NIPBL: variants seen among roughly 807,000 people sequenced by gnomAD.
NIPBL encodes the protein NIPBL cohesin loading factor.
A neutral mutation model predicts 321.8 loss-of-function variants in NIPBL; 19 were observed. The ratio of observed to expected loss-of-function variants is 0.06; its 90% CI spans 0.04 to 0.09. The LOEUF (loss-of-function observed/expected upper bound fraction) is 0.09, where lower values mean the gene tolerates loss of function less well. NIPBL is among the 10% of genes least tolerant of loss of function. The pLI, the probability that NIPBL is intolerant of heterozygous loss-of-function variation, is 1.00. For missense variants in NIPBL, 2,210 were observed against 3,327.0 expected (o/e 0.66, Z 8.26); for synonymous variants, 1,106 against 1,114.1 (o/e 0.99, Z 0.14).
chr5:36,893,046 C>T (rs1746463233), intron 1 of NIPBL, among the ~76,000 whole-genome samples: 2 of 152,018 alleles, frequency 1.3e-5, no homozygotes, highest in South Asian at 4.1e-4. Flanking sequence ...TGACTATATT[C>T]TTGTGAGCTT....
chr5:37,012,479 T>C (rs1390946983), intron 21 of NIPBL, among the ~76,000 whole-genome samples: 1 of 148,476 alleles, frequency 6.7e-6, no homozygotes, highest in East Asian at 1.9e-4. Context: ...TTTTTTTTTT[T>C]TTATTCATTC....
At chr5:37,057,055 C>A in intron 42 of NIPBL, 131 bp from the exon 43 acceptor site, 1 of 834,780 alleles carries the variant, frequency 1.2e-6, no homozygotes, top group Non-Finnish European at 2.0e-6. Context: ...CCACTCTCTC[C>A]GTGTGTGTCT....
At chr5:37,009,770 CTT>C (rs1747885889) in intron 20 of NIPBL, among the ~76,000 whole-genome samples, 3 of 152,118 alleles carry the variant, frequency 2.0e-5, no homozygotes, top group African/African-American at 4.8e-5. Context: ...ACTTTGAAGA[CTT>C]TTATCATTTT....
intron 6 of NIPBL, among the ~76,000 whole-genome samples, chr5:36,965,316 A>G (rs544515219): frequency 4.3e-4 from 65 of 152,258 alleles, no homozygotes; most frequent in Non-Finnish European, 8.5e-4. Context: ...AGGTGTATGT[A>G]TACACAATGG....
At chr5:36,907,161 G>A (rs1051283207) in intron 1 of NIPBL, among the ~76,000 whole-genome samples, 1 of 152,176 alleles carries the variant, frequency 6.6e-6, no homozygotes, top group East Asian at 1.9e-4. Context: ...AGTAGGGTTT[G>A]AGAGTCTGCA....
At chr5:37,012,854 C>T (rs1345657699) in intron 21 of NIPBL, among the ~76,000 whole-genome samples, 2 of 152,152 alleles carry the variant, frequency 1.3e-5, no homozygotes, top group Non-Finnish European at 2.9e-5. Flanking sequence ...AAAAGTCTCC[C>T]ATGTCTACCT....
At chr5:36,939,229 T>C (rs1580280715) in intron 1 of NIPBL, among the ~76,000 whole-genome samples, 1 of 152,272 alleles carries the variant, frequency 6.6e-6, no homozygotes, top group East Asian at 1.9e-4. Context: ...TCTTGAACTC[T>C]TGGGCTCAAA....
Position 37,001,047 on chromosome 5 carries a change from T to C in NIPBL, c.3633T>C (p.Asp1211=), listed in dbSNP as rs370889560. ...CAGCCTCAATAGAGAATATTTTGGA[T>C]AATTTGGAAGATATGGATTTTACTG... ...RFTASIENIL[D]NLEDMDFTAF... The change falls in exon 14 of 47, where the codon GAT becomes GAC. Residue 1211 remains aspartate (D), a synonymous_variant. Transcript: ENST00000282516. The C allele has an allele frequency of 1.2e-6, 2 of 1,610,916 alleles. No homozygotes were observed. The highest frequency in any genetic ancestry group is 2.7e-5 in the African/African-American group (2 of 74,824).
At chr5:36,928,588 A>G (rs1192645399) in intron 1 of NIPBL, among the ~76,000 whole-genome samples, 1 of 152,164 alleles carries the variant, frequency 6.6e-6, no homozygotes. Flanking sequence ...TATAAAGTTC[A>G]CCTGTTTAAG....
chr5:36,938,891 G>T (rs1272506337), intron 1 of NIPBL, among the ~76,000 whole-genome samples: 1 of 152,152 alleles, frequency 6.6e-6, no homozygotes, highest in African/African-American at 2.4e-5. Context: ...GCAGGTGTGT[G>T]TGTGTACAGT....
intron 1 of NIPBL, among the ~76,000 whole-genome samples, chr5:36,898,712 TG>T (rs1746973256): frequency 6.6e-6 from 1 of 152,132 alleles, no homozygotes. Flanking sequence ...GGTTTCTCCA[TG>T]TTGGTCAGGC....
chr5:36,930,265 A>G (rs1001691240), intron 1 of NIPBL, among the ~76,000 whole-genome samples: 1 of 152,130 alleles, frequency 6.6e-6, no homozygotes, highest in Non-Finnish European at 1.5e-5. Context: ...TGCAAATACA[A>G]ATCTTATACT....
intron 10 of NIPBL, among the ~76,000 whole-genome samples, chr5:36,990,888 G>A (rs1040736346): frequency 6.6e-6 from 1 of 151,862 alleles, no homozygotes; most frequent in Non-Finnish European, 1.5e-5. Flanking sequence ...GTAGAAATAG[G>A]TATATGATTT....
At chr5:36,989,839 CAAAAAAA>C (rs374278669) in intron 10 of NIPBL, among the ~76,000 whole-genome samples, 28 of 73,424 alleles carry the variant, frequency 3.8e-4, no homozygotes, top group East Asian at 2.7e-3. Flanking sequence ...ACTCTGTCTC[CAAAAAAA>C]AAAAAAAAAA....
chr5:36,907,571 G>A (rs1053163780), intron 1 of NIPBL, among the ~76,000 whole-genome samples: 2 of 152,104 alleles, frequency 1.3e-5, no homozygotes, highest in African/African-American at 4.8e-5. Flanking sequence ...AAACATTGTG[G>A]GAGTAATATG....
intron 40 of NIPBL, among the ~76,000 whole-genome samples, chr5:37,050,143 A>G (rs939142853): frequency 6.6e-6 from 1 of 152,048 alleles, no homozygotes; most frequent in Non-Finnish European, 1.5e-5. Flanking sequence ...TTTTTATTAT[A>G]TATGCCTTTT....
chr5:36,989,055 A>G (rs911027120), intron 10 of NIPBL, among the ~76,000 whole-genome samples: 8 of 152,148 alleles, frequency 5.3e-5, no homozygotes, highest in Non-Finnish European at 1.2e-4. Context: ...TTGAATGGAG[A>G]TGATGTTGCC....
chr5:36,975,117 T>C (rs1251760502), intron 8 of NIPBL, among the ~76,000 whole-genome samples: 6 of 152,086 alleles, frequency 3.9e-5, no homozygotes, highest in Non-Finnish European at 7.4e-5. Flanking sequence ...ACTGAACTTA[T>C]TTATTTTTCT....
intron 22 of NIPBL, 92 bp downstream of exon 22, chr5:37,014,857 A>G: frequency 1.3e-6 from 1 of 790,682 alleles, no homozygotes; most frequent in Non-Finnish European, 2.2e-6. Flanking sequence ...TTCCTGCCAT[A>G]ATCTGAACCT....
Sources: allele counts gnomAD v4.1 joint callset (sites outside exome capture counted in the v4.1 genomes callset), GRCh38; gene constraint gnomAD v4.1.1; transcripts MANE v1.5; gene names NCBI Gene and HGNC (gene_info 2026-07-23, HGNC 2026-07-21).